EXOC6: variants seen among roughly 807,000 people sequenced by gnomAD.
The protein encoded by EXOC6 is exocyst complex component 6.
In EXOC6, 60 loss-of-function variants were observed where a neutral mutation model predicts 112.5. That is an observed-to-expected ratio of 0.53 (90% CI 0.43 to 0.66). The LOEUF (loss-of-function observed/expected upper bound fraction) is 0.66, where lower values mean the gene tolerates loss of function less well. Ranked by LOEUF, EXOC6 falls within the 30% of genes least tolerant of loss-of-function variation. EXOC6 has a pLI of 0.00. For synonymous variants in EXOC6, 295 were observed against 308.0 expected (o/e 0.96, Z 0.44); for missense variants, 855 against 957.1 (o/e 0.89, Z 1.41).
At chr10:92,860,096 T>G (rs1190248551) in intron 1 of EXOC6, among the ~76,000 whole-genome samples, 2 of 152,178 alleles carry the variant, frequency 1.3e-5, no homozygotes, top group Non-Finnish European at 2.9e-5. Flanking sequence ...GACTTTTTAG[T>G]GGATTAAAAC....
chr10:92,917,994 T>C (rs1851204552), intron 7 of EXOC6, among the ~76,000 whole-genome samples: 1 of 151,966 alleles, frequency 6.6e-6, no homozygotes, highest in African/African-American at 2.4e-5. Flanking sequence ...CTACAAAAAA[T>C]ACAAAAAAAT....
intron 5 of EXOC6, among the ~76,000 whole-genome samples, chr10:92,905,305 C>G (rs1000822045): frequency 1.3e-5 from 2 of 151,968 alleles, no homozygotes; most frequent in African/African-American, 4.8e-5. Flanking sequence ...TGTTGATATT[C>G]ACAAAATAAG....
At chr10:92,923,630 C>T (rs1220311965) in intron 8 of EXOC6, among the ~76,000 whole-genome samples, 1 of 152,172 alleles carries the variant, frequency 6.6e-6, no homozygotes, top group Non-Finnish European at 1.5e-5. Context: ...CAGCTGGCTT[C>T]CCCCAGAGTG....
chr10:92,953,505 A>G (rs774068126), intron 15 of EXOC6, among the ~76,000 whole-genome samples: 16 of 152,202 alleles, frequency 1.1e-4, no homozygotes, highest in Non-Finnish European at 2.4e-4. Flanking sequence ...CTCCCCACAA[A>G]TTTGGCAATG....
intron 1 of EXOC6, among the ~76,000 whole-genome samples, chr10:92,872,534 C>A (rs942338821): frequency 6.6e-6 from 1 of 152,044 alleles, no homozygotes; most frequent in Non-Finnish European, 1.5e-5. Context: ...TCTAAAGCCT[C>A]ATGTTATTTT....
intron 9 of EXOC6, among the ~76,000 whole-genome samples, chr10:92,929,722 T>G (rs1220893185): frequency 6.6e-6 from 1 of 152,170 alleles, no homozygotes; most frequent in African/African-American, 2.4e-5. Flanking sequence ...GTTAAAAATA[T>G]TATGAATAGG....
chr10:92,828,385 A>T (rs963454690), intron 1 of EXOC6, among the ~76,000 whole-genome samples: 3 of 152,092 alleles, frequency 2.0e-5, no homozygotes, highest in Non-Finnish European at 4.4e-5. Context: ...CCAGGCTGGA[A>T]TGCAGTGGTG....
At chr10:93,054,625 G>A (rs185076724) in intron 20 of EXOC6, among the ~76,000 whole-genome samples, 25 of 152,346 alleles carry the variant, frequency 1.6e-4, no homozygotes, top group African/African-American at 5.8e-4. Flanking sequence ...GTCTGGTCTT[G>A]TGCTGTAAAA....
intron 9 of EXOC6, among the ~76,000 whole-genome samples, chr10:92,931,858 C>T (rs1283713273): frequency 6.6e-6 from 1 of 151,992 alleles, no homozygotes; most frequent in Non-Finnish European, 1.5e-5. Context: ...ATTATACTGC[C>T]ACTTTGGAAA....
At chr10:93,022,548 G>A (rs993640718) in intron 20 of EXOC6, among the ~76,000 whole-genome samples, 6 of 152,046 alleles carry the variant, frequency 3.9e-5, no homozygotes. Context: ...ATAAGAATAT[G>A]CAACTAATTC....
intron 18 of EXOC6, 67 bp from the exon 19 acceptor site, chr10:92,997,407 T>C (rs1843542020): frequency 7.0e-7 from 1 of 1,435,392 alleles, no homozygotes. Flanking sequence ...ATGATTTTTC[T>C]GATTCTTTAT....
intron 13 of EXOC6, 104 bp downstream of exon 13, chr10:92,940,928 T>A: frequency 1.3e-6 from 1 of 779,096 alleles, no homozygotes; most frequent in Non-Finnish European, 2.1e-6. Flanking sequence ...ATTTTTATTG[T>A]AGTAAAGTAC....
intron 5 of EXOC6, among the ~76,000 whole-genome samples, chr10:92,907,151 A>G (rs955229628): frequency 1.3e-5 from 2 of 152,208 alleles, no homozygotes; most frequent in African/African-American, 4.8e-5. Flanking sequence ...TTTAGGGAGT[A>G]TAATCCTAGG....
chr10:93,026,127 A>G (rs1366709515), intron 20 of EXOC6, among the ~76,000 whole-genome samples: 1 of 152,178 alleles, frequency 6.6e-6, no homozygotes, highest in East Asian at 1.9e-4. Flanking sequence ...ACCATAATTT[A>G]TGTATATGTT....
intron 18 of EXOC6, among the ~76,000 whole-genome samples, chr10:92,995,768 A>T (rs1843456535): frequency 6.6e-6 from 1 of 152,122 alleles, no homozygotes; most frequent in African/African-American, 2.4e-5. Context: ...TTGGCAGTTC[A>T]TCAGTATCTG....
chr10:92,960,055 C>A (rs1853900835), intron 17 of EXOC6, among the ~76,000 whole-genome samples: 1 of 152,174 alleles, frequency 6.6e-6, no homozygotes, highest in Non-Finnish European at 1.5e-5. Flanking sequence ...CAAAAACTTG[C>A]ACATGGATGT....
At chr10:92,921,570 A>G (rs937901356) in intron 8 of EXOC6, among the ~76,000 whole-genome samples, 1 of 151,660 alleles carries the variant, frequency 6.6e-6, no homozygotes, top group African/African-American at 2.4e-5. Flanking sequence ...ATTAGCCCTG[A>G]GGATTGCAAT....
At chr10:93,045,656 A>G (rs368538491) in intron 20 of EXOC6, among the ~76,000 whole-genome samples, 92 of 152,360 alleles carry the variant, frequency 6.0e-4, no homozygotes, top group African/African-American at 1.9e-3. Context: ...GTGACTTATC[A>G]GAGAGAACTG....
chr10:92,828,061 T>C lies in EXOC6; in HGVS notation c.-27+1117T>C, dbSNP rs75457311. ...TTTCATTTCCTACCTGTTGCTAGTA[T>C]ACAGATGAGCATTTTTTGGTCTAGA... On this transcript the variant is annotated intron_variant, in intron 1 of 22. Transcript: ENST00000671701. Among the ~76,000 whole-genome samples, 976 of 152,362 alleles carry C rather than the reference T, an allele frequency of 6.4e-3. 17 individuals are homozygous for C. Among genetic ancestry groups the C allele is most frequent in the African/African-American group, 0.022 (926 of 41,576 alleles).
Sources: gnomAD v4.1 joint callset for allele counts (sites outside exome capture counted in the v4.1 genomes callset) on GRCh38, gnomAD v4.1.1 for gene constraint, MANE v1.5 for transcripts, NCBI Gene and HGNC (gene_info 2026-07-23, HGNC 2026-07-21) for gene names.